Variants in PI16 observed in about 807,000 individuals in gnomAD.
PI16 encodes PSP94-binding protein.
In PI16, 35 loss-of-function variants were observed where a neutral mutation model predicts 38.0. That is an observed-to-expected ratio of 0.92 (90% CI 0.70 to 1.22). PI16 has a LOEUF of 1.22. Ranked by LOEUF, PI16 falls within the 50% of genes most tolerant of loss-of-function variation. The pLI is 0.00. For missense variants in PI16, 572 were observed against 593.8 expected, an observed-to-expected ratio of 0.96 and a Z score of 0.38; for synonymous variants, 275 against 252.9, an observed-to-expected ratio of 1.09 and a Z score of -0.83.
intron 1 of PI16, among the ~76,000 whole-genome samples, chr6:36,956,586 A>C (rs1429240056): frequency 6.6e-6 from 1 of 152,238 alleles, no homozygotes; most frequent in Non-Finnish European, 1.5e-5. Flanking sequence ...TGGTGAGGGC[A>C]GGGACTCTGC....
At chr6:36,951,546 C>T (rs987874953), upstream of PI16, among the ~76,000 whole-genome samples, 1 of 152,142 alleles carries the variant, frequency 6.6e-6, no homozygotes, top group African/African-American at 2.4e-5. Flanking sequence ...GCCACTGAAT[C>T]GACTTCAAAT....
At chr6:36,955,151 C>G (rs1763170290) in intron 1 of PI16, among the ~76,000 whole-genome samples, 1 of 152,150 alleles carries the variant, frequency 6.6e-6, no homozygotes, top group Non-Finnish European at 1.5e-5. Flanking sequence ...AATTCACAGG[C>G]CCCTATAAGC....
Position 36,963,625 on chromosome 6 carries a change from G to A in PI16, c.1270+13G>A, listed in dbSNP as rs761701985. 1.7e-5 allele frequency: 28 copies of A among 1,609,536 alleles called. No individual in the cohort carries two copies. Among genetic ancestry groups the A allele is most frequent in the Non-Finnish European group, 2.2e-5 (26 of 1,176,934 alleles). ...TCGTCCTTGCCAGGTAAGGCCCATA[G>A]CATCTGTCCCACTTTCCTCCTGGCT... On this transcript the variant is annotated intron_variant, in intron 5 of 6. Coordinates refer to ENST00000373674, the MANE Select transcript of PI16 (RefSeq NM_153370.3).
intron 1 of PI16, 51 bp from the exon 2 acceptor site, chr6:36,959,094 C>A: frequency 1.3e-6 from 2 of 1,510,918 alleles, no homozygotes; most frequent in Non-Finnish European, 1.8e-6. Flanking sequence ...TTGCTTGGTC[C>A]CCACAGCATC....
At chr6:36,955,035 A>T in intron 1 of PI16, 104 bp downstream of exon 1, 1 of 1,437,694 alleles carries the variant, frequency 7.0e-7, no homozygotes, top group South Asian at 1.5e-5. Flanking sequence ...CTATTTCAGA[A>T]TTCCTCTCCT....
upstream of PI16, chr6:36,954,733 A>G (rs1763156952): frequency 3.1e-6 from 5 of 1,596,584 alleles, no homozygotes; most frequent in East Asian, 1.1e-4. Context: ...AGACCCCTGG[A>G]CGGGAGAAGG....
chr6:36,948,724 C>A, intron 1 of PI16, among the ~76,000 whole-genome samples: 1 of 119,174 alleles, frequency 8.4e-6, no homozygotes. Flanking sequence ...CTCTCGCTCT[C>A]TCTCTCTCCC....
chr6:36,955,327 C>T (rs1763174076), intron 1 of PI16, among the ~76,000 whole-genome samples: 1 of 152,162 alleles, frequency 6.6e-6, no homozygotes, highest in Non-Finnish European at 1.5e-5. Flanking sequence ...GTTCTTAACA[C>T]CTTTGTGAAA....
Position 36,959,804 on chromosome 6 carries a change from GCTGC to G in PI16, c.393+439_393+442del, listed in dbSNP as rs369394022. Among the ~76,000 whole-genome samples, 8 of 151,670 alleles carry G rather than the reference GCTGC, an allele frequency of 5.3e-5. No individual in the cohort carries two copies. The South Asian group carries it at 1.7e-3, about 32-fold the overall frequency. On this transcript the variant is annotated intron_variant, in intron 2 of 6. Transcript: ENST00000373674. ...GATCACTTCAGCCCAGGAGGTTGAG[GCTGC>G]AGTGAGTCGTGATCACACCACTACA...
upstream of PI16, among the ~76,000 whole-genome samples, chr6:36,950,971 C>T (rs914334525): frequency 6.6e-6 from 1 of 152,182 alleles, no homozygotes; most frequent in Non-Finnish European, 1.5e-5. The surrounding 1 kb of genome is among the most constrained non-coding windows in gnomAD (Gnocchi z 4.2). Context: ...CTTTTACATT[C>T]CCAGAAGCAA....
intron 2 of PI16, 150 bp downstream of exon 2, chr6:36,959,516 T>C (rs1363202029): frequency 3.9e-6 from 3 of 767,148 alleles, no homozygotes; most frequent in African/African-American, 1.8e-5. Flanking sequence ...TCAGACACTT[T>C]GCAAATCTTG....
At chr6:36,954,035 C>T (rs974196646), upstream of PI16, among the ~76,000 whole-genome samples, 5 of 152,172 alleles carry the variant, frequency 3.3e-5, no homozygotes, top group African/African-American at 4.8e-5. Context: ...AGACCTTGGC[C>T]TCTCCCCCCG....
intron 1 of PI16, among the ~76,000 whole-genome samples, chr6:36,949,414 G>A (rs1230542776): frequency 5.9e-5 from 9 of 152,106 alleles, no homozygotes; most frequent in Non-Finnish European, 7.3e-5. Flanking sequence ...GAGCCACCGC[G>A]CCCGGTCACT....
rs1583233767 is a variant in PI16, at chr6:36,959,190, C to T, written c.217C>T (p.Gln73Ter). ...LAAFAKAYAR[Q>*]CVWGHNKERG... ...CGCCTTCGCCAAGGCCTACGCACGGCAGTGCGTGTGGGGCCACAACAAGGA... is the reference window on the plus strand; with the variant it reads ...CGCCTTCGCCAAGGCCTACGCACGGTAGTGCGTGTGGGGCCACAACAAGGA... The change falls in exon 2 of 7, where the codon CAG becomes TAG. Residue 73 changes from glutamine to a stop codon, truncating the protein, a stop_gained. Transcript: ENST00000373674. LOFTEE classifies it high-confidence loss of function. 6.2e-7 allele frequency: 1 copy of T among 1,611,248 alleles called. No homozygotes were observed. The highest frequency in any genetic ancestry group is 8.5e-7 in the Non-Finnish European group (1 of 1,179,330).
chr6:36,961,709 G>A (rs1763370734), intron 3 of PI16, 149 bp downstream of exon 3: 2 of 893,692 alleles, frequency 2.2e-6, no homozygotes, highest in Non-Finnish European at 3.6e-6. Context: ...GGCACCAATG[G>A]GGGTCTGCTG....
chr6:36,954,546 G>A (rs1763153959), upstream of PI16: 1 of 610,742 alleles, frequency 1.6e-6, no homozygotes, highest in Non-Finnish European at 2.7e-6. Flanking sequence ...GTTACCAAGA[G>A]AAAGGAGGTT....
At chr6:36,953,619 G>A (rs1007729440), upstream of PI16, among the ~76,000 whole-genome samples, 25 of 152,156 alleles carry the variant, frequency 1.6e-4, no homozygotes, top group South Asian at 4.4e-3. Flanking sequence ...ATCTTCCAAA[G>A]CCTGTGGGTA....
intron 1 of PI16, among the ~76,000 whole-genome samples, chr6:36,956,900 G>A (rs983166760): frequency 2.0e-5 from 3 of 152,138 alleles, no homozygotes; most frequent in African/African-American, 7.2e-5. Flanking sequence ...AGCCTCCAGA[G>A]CTAATCAGCA....
Position 36,963,467 on chromosome 6 carries a change from A to G in PI16, c.1125A>G (p.Pro375=). Residue 375 remains proline, a synonymous_variant, in exon 5 of 7, where the codon CCA becomes CCG. Transcript: ENST00000373674. The part of the protein sequence containing the change: ...PSSEVLASVF[P]AQDKPGELQA... The stretch of plus-strand genomic sequence containing the variant: ...GTGAGGTCTTGGCCTCAGTTTTTCC[A>G]GCCCAGGACAAGCCAGGTGAGCTGC... The G allele has an allele frequency of 1.2e-6, 2 of 1,614,174 alleles. No homozygotes were observed. Among genetic ancestry groups the G allele is most frequent in the Non-Finnish European group, 1.7e-6 (2 of 1,180,044 alleles).
Sources: allele counts gnomAD v4.1 joint callset (sites outside exome capture counted in the v4.1 genomes callset), GRCh38; gene constraint gnomAD v4.1.1; non-coding constraint Gnocchi (gnomAD v3.1); transcripts MANE v1.5; gene names NCBI Gene and HGNC (gene_info 2026-07-23, HGNC 2026-07-21).